Variants in KIAA1958 observed in about 807,000 individuals in gnomAD.
KIAA1958 encodes KIAA1958.
Under a neutral mutation model 47.2 loss-of-function variants are expected in KIAA1958, and 14 were observed. That is an observed-to-expected ratio of 0.30 (90% CI 0.20 to 0.46). The LOEUF (loss-of-function observed/expected upper bound fraction) is 0.46. KIAA1958 is among the 20% of genes least tolerant of loss of function. The probability of loss-of-function intolerance (pLI) is 1.00; values close to 1 mark genes in which losing one functional copy is unlikely to be tolerated. For synonymous variants in KIAA1958, 354 were observed against 353.3 expected, an observed-to-expected ratio of 1.00 and a Z score of -0.02; for missense variants, 803 against 909.2, an observed-to-expected ratio of 0.88 and a Z score of 1.50.
intron 3 of KIAA1958, among the ~76,000 whole-genome samples, chr9:112,653,759 G>A (rs927648182): frequency 6.6e-6 from 1 of 152,148 alleles, no homozygotes; most frequent in Non-Finnish European, 1.5e-5. Context: ...AATTAGCTGG[G>A]CATGGTGGTA....
rs183576985 is a variant in KIAA1958, at chr9:112,622,516, T to G, written c.1172-23134T>G. Among the ~76,000 whole-genome samples, 2 of 152,216 alleles carry G rather than the reference T, an allele frequency of 1.3e-5. 1 individual carries two copies. Among genetic ancestry groups the G allele is most frequent in the African/African-American group, 4.8e-5 (2 of 41,450 alleles). On this transcript the variant is annotated intron_variant, in intron 2 of 3. Transcript: ENST00000337530. ...TATAATGTTTGAAAAAGTTAAGAGATAGGATATTTATTCAAGACAGCTTAT... is the reference window on the plus strand; with the variant it reads ...TATAATGTTTGAAAAAGTTAAGAGAGAGGATATTTATTCAAGACAGCTTAT...
chr9:112,510,272 T>A lies in KIAA1958; in HGVS notation c.-25+23154T>A, dbSNP rs141495589. 2.1e-3 allele frequency among the ~76,000 whole-genome samples: 326 copies of A among 152,272 alleles called. 1 individual carries two copies. Among genetic ancestry groups the A allele is most frequent in the Non-Finnish European group, 3.4e-3 (231 of 68,014 alleles). On this transcript the variant is annotated intron_variant, in intron 1 of 3. Coordinates refer to ENST00000337530, the MANE Select transcript of KIAA1958 (RefSeq NM_133465.4). The stretch of plus-strand genomic sequence containing the variant: ...TACTTCCTAGGGTGGTTGTGAAGAT[T>A]AAGTGAATCAGATGTCATAGTGAGC...
intron 2 of KIAA1958, among the ~76,000 whole-genome samples, chr9:112,620,082 C>T (rs956618004): frequency 1.1e-4 from 16 of 152,072 alleles, no homozygotes; most frequent in East Asian, 5.8e-4. Context: ...AATATAAATG[C>T]GTTTATCTGT....
chr9:112,600,610 A>G (rs1212519991), intron 2 of KIAA1958, among the ~76,000 whole-genome samples: 2 of 152,138 alleles, frequency 1.3e-5, no homozygotes, highest in South Asian at 4.1e-4. Flanking sequence ...GCTGTTTTAG[A>G]TATAGATATT....
At chr9:112,552,074 G>A (rs959898765) in intron 1 of KIAA1958, among the ~76,000 whole-genome samples, 5 of 152,288 alleles carry the variant, frequency 3.3e-5, no homozygotes, top group Middle Eastern at 3.4e-3. Context: ...CAGCTCATTG[G>A]TGAATATTTT....
At chr9:112,575,896 C>T (rs1259823802) in intron 2 of KIAA1958, among the ~76,000 whole-genome samples, 2 of 152,076 alleles carry the variant, frequency 1.3e-5, no homozygotes, top group East Asian at 1.9e-4. Flanking sequence ...GTAATTCTAA[C>T]GTTCTAATGT....
intron 1 of KIAA1958, among the ~76,000 whole-genome samples, chr9:112,572,111 T>G (rs1835549928): frequency 6.6e-6 from 1 of 152,130 alleles, no homozygotes; most frequent in African/African-American, 2.4e-5. Flanking sequence ...TCTTTCCGTT[T>G]ACATGGCTGC....
intron 1 of KIAA1958, among the ~76,000 whole-genome samples, chr9:112,520,118 T>A (rs184939196): frequency 2.9e-4 from 44 of 152,324 alleles, no homozygotes; most frequent in African/African-American, 1.0e-3. Flanking sequence ...ATTAAATTGG[T>A]TAGTAGTAAG....
intron 2 of KIAA1958, among the ~76,000 whole-genome samples, chr9:112,637,393 A>AT (rs1223180530): frequency 4.6e-5 from 7 of 151,494 alleles, no homozygotes; most frequent in Admixed American, 1.3e-4. Context: ...ATTTTATTTT[A>AT]TTTTTTTAGA....
chr9:112,633,983 A>G (rs1836755779), intron 2 of KIAA1958, among the ~76,000 whole-genome samples: 1 of 152,030 alleles, frequency 6.6e-6, no homozygotes. Flanking sequence ...TGTTGGGTAT[A>G]TATTTAGGTG....
chr9:112,653,707 C>T (rs1837099605), intron 3 of KIAA1958, among the ~76,000 whole-genome samples: 1 of 152,196 alleles, frequency 6.6e-6, no homozygotes, highest in Non-Finnish European at 1.5e-5. Context: ...TAAGACCAGC[C>T]TGGCCAACAT....
chr9:112,565,582 A>G (rs906888885), intron 1 of KIAA1958, among the ~76,000 whole-genome samples: 12 of 152,246 alleles, frequency 7.9e-5, no homozygotes, highest in Non-Finnish European at 1.5e-4. Context: ...CAATCAGTAG[A>G]TTTTAAAAAC....
chr9:112,507,772 T>TC (rs1564152656), intron 1 of KIAA1958, among the ~76,000 whole-genome samples: 20 of 149,954 alleles, frequency 1.3e-4, no homozygotes, highest in East Asian at 5.9e-4. Context: ...CTCTCTCTCT[T>TC]TCTTTCTTTC....
chr9:112,568,479 A>AT (rs1459518597), intron 1 of KIAA1958, among the ~76,000 whole-genome samples: 2 of 152,174 alleles, frequency 1.3e-5, no homozygotes, highest in Non-Finnish European at 2.9e-5. Context: ...TTGGAGTCAA[A>AT]TTTGCAAAAA....
At chr9:112,531,875 A>G (rs990634450) in intron 1 of KIAA1958, among the ~76,000 whole-genome samples, 1 of 152,250 alleles carries the variant, frequency 6.6e-6, no homozygotes, top group Non-Finnish European at 1.5e-5. Context: ...CCATGACTTC[A>G]TTAATGTCTG....
chr9:112,631,084 CAT>C (rs1836699962), intron 2 of KIAA1958, among the ~76,000 whole-genome samples: 1 of 152,282 alleles, frequency 6.6e-6, no homozygotes, highest in African/African-American at 2.4e-5. Flanking sequence ...TCAATTTATT[CAT>C]ATCTTTTTGA....
chr9:112,568,420 G>T (rs1348952260), intron 1 of KIAA1958, among the ~76,000 whole-genome samples: 2 of 152,166 alleles, frequency 1.3e-5, no homozygotes, highest in East Asian at 3.8e-4. Context: ...GTGCTTTTAT[G>T]TACACAGACA....
intron 2 of KIAA1958, among the ~76,000 whole-genome samples, chr9:112,590,498 C>A (rs1835903371): frequency 6.6e-6 from 1 of 152,026 alleles, no homozygotes; most frequent in Admixed American, 6.6e-5. Flanking sequence ...ATTACAGGCA[C>A]CTGCCACGAC....
intron 3 of KIAA1958, among the ~76,000 whole-genome samples, chr9:112,656,924 C>G (rs1348630779): frequency 1.3e-5 from 2 of 152,006 alleles, no homozygotes; most frequent in Non-Finnish European, 2.9e-5. Context: ...CTTTCTTATT[C>G]CTAATATGAT....
Sources: gnomAD v4.1 joint callset for allele counts (sites outside exome capture counted in the v4.1 genomes callset) on GRCh38, gnomAD v4.1.1 for gene constraint, MANE v1.5 for transcripts, NCBI Gene and HGNC (gene_info 2026-07-23, HGNC 2026-07-21) for gene names.